Variants in MED1 observed in about 807,000 individuals in gnomAD.
The protein encoded by MED1 is mediator of RNA polymerase II transcription subunit 1.
A neutral mutation model predicts 121.3 loss-of-function variants in MED1; 17 were observed. The observed-to-expected ratio is 0.14, with a 90% CI of 0.10 to 0.21. MED1 has a LOEUF of 0.21. Among genes scored for constraint, MED1 ranks in the 10% least tolerant of loss-of-function variants. The probability of loss-of-function intolerance (pLI) is 1.00; values close to 1 mark genes in which losing one functional copy is unlikely to be tolerated. For synonymous variants in MED1, 661 were observed against 694.4 expected (o/e 0.95, Z 0.76); for missense variants, 1,558 against 1,919.4 (o/e 0.81, Z 3.52).
rs1052798706 is a variant in MED1, at chr17:39,410,390, T to G, written c.1831A>C (p.Thr611Pro). The change falls in exon 17 of 17, where the codon ACA becomes CCA. Residue 611 changes from threonine (T) to proline (P), a missense_variant. Physicochemically the swap from Thr to Pro is conservative, Grantham distance 38 (BLOSUM62 -1). This residue lies in a region of MED1 where 793 missense variants were observed against 898.2 expected (regional missense o/e 0.88). Transcript: ENST00000300651. ...NPILTSLLQI[T>P]GNGGSTIGSS... is the part of the protein sequence containing the mutation. ...CCAATGGTAGACCCCCCGTTCCCTG[T>G]GATTTGCAACAAACTGGTAAGAATT... 1.2e-6 allele frequency: 2 copies of G among 1,614,062 alleles called. No homozygotes were observed. The highest frequency in any genetic ancestry group is 1.1e-5 in the South Asian group (1 of 91,070).
rs759616121 is a variant in MED1, at chr17:39,424,744, G to A, written c.740-6C>T. The A allele has an allele frequency of 1.5e-5, 23 of 1,522,624 alleles. No homozygotes were observed. In the Middle Eastern group the frequency reaches 6.8e-4, roughly 45 times the overall value. The allele number at this position is 1,522,624 out of a possible 1,614,324, so 94.3% of individuals were successfully genotyped here. On this transcript the variant is annotated splice_region_variant and splice_polypyrimidine_tract_variant and intron_variant, in intron 10 of 16. Transcript: ENST00000300651. ...CATGCCCAAAGATCGAGAAACTGGG[G>A]ATAGGAAAGAAAAAGGGTATTCCTC...
chr17:39,426,462 C>T (rs750047227), intron 10 of MED1, among the ~76,000 whole-genome samples: 15 of 149,438 alleles, frequency 1.0e-4, no homozygotes, highest in East Asian at 5.8e-4. Flanking sequence ...AATAAATAAA[C>T]AAACAAACAA....
intron 13 of MED1, among the ~76,000 whole-genome samples, chr17:39,422,964 C>T (rs181333577): frequency 7.1e-6 from 1 of 141,662 alleles, no homozygotes; most frequent in African/African-American, 2.6e-5. Flanking sequence ...CTCCCAGATT[C>T]AAGCCATTCT....
At chr17:39,429,044 G>A (rs2048540691) in intron 9 of MED1, among the ~76,000 whole-genome samples, 1 of 152,018 alleles carries the variant, frequency 6.6e-6, no homozygotes, top group African/African-American at 2.4e-5. Flanking sequence ...AAAAGGCCAG[G>A]TGAACTGGCT....
chr17:39,440,732 T>C lies in MED1; in HGVS notation c.212-55A>G, dbSNP rs1597872710. 3 of 1,461,914 alleles carry C rather than the reference T, an allele frequency of 2.1e-6. No individual in the cohort carries two copies. The highest frequency in any genetic ancestry group is 4.5e-5 in the East Asian group (2 of 44,190). The allele number at this position is 1,461,914 out of a possible 1,614,324, so 90.6% of individuals were successfully genotyped here. ...AGAATGCTCCAAATGACTTAAATGA[T>C]ATTCTTTTAAGACAGAAAGATTCAT... On this transcript the variant is annotated intron_variant, in intron 3 of 16. Transcript: ENST00000300651. The surrounding 1 kb of genome is among the most constrained non-coding windows in gnomAD (Gnocchi z 4.1).
At chr17:39,429,235 C>G (rs1200338396) in intron 9 of MED1, among the ~76,000 whole-genome samples, 1 of 152,024 alleles carries the variant, frequency 6.6e-6, no homozygotes, top group Non-Finnish European at 1.5e-5. Flanking sequence ...GACTGAAGTC[C>G]TAGCTACTCA....
chr17:39,419,611 A>T lies in MED1; in HGVS notation c.1297+106T>A. ...TTTATGCCAAATATGAAAAAAAAAA[A>T]ACTTTTTTTAAGTTCTACAGGTGAT... On this transcript the variant is annotated intron_variant, in intron 14 of 16. Transcript: ENST00000300651. 4 of 1,169,774 alleles carry T rather than the reference A, an allele frequency of 3.4e-6. No homozygotes were observed. In the South Asian group the frequency reaches 6.0e-5, roughly 17 times the overall value. 72.5% of individuals were successfully genotyped at this position (1,169,774 alleles called of 1,614,324 possible).
intron 6 of MED1, among the ~76,000 whole-genome samples, chr17:39,437,794 C>T (rs912789559): frequency 1.3e-5 from 2 of 151,726 alleles, no homozygotes; most frequent in Non-Finnish European, 1.5e-5. Flanking sequence ...ATTAGCAGGG[C>T]GTGGTAGCAC....
intron 8 of MED1, 94 bp from the exon 9 acceptor site, chr17:39,431,282 T>C (rs1321773956): frequency 6.6e-5 from 2 of 30,480 alleles, no homozygotes; most frequent in Non-Finnish European, 1.4e-4. Flanking sequence ...AAGTCTTGTC[T>C]TTTTTTTTTT....
intron 2 of MED1, among the ~76,000 whole-genome samples, chr17:39,444,315 T>G (rs1376951644): frequency 6.6e-6 from 1 of 151,696 alleles, no homozygotes; most frequent in Non-Finnish European, 1.5e-5. Context: ...GAGACCATCC[T>G]GGCCAAAATG....
chr17:39,407,581 G>C lies in MED1; in HGVS notation c.4640C>G (p.Thr1547Arg), dbSNP rs1378872628. Reference protein sequence around the residue: ...PISSDQSLSMTSNTILSADRP... With the variant: ...PISSDQSLSMRSNTILSADRP... Reference sequence around the variant, plus strand: ...GTCTGCAGATAAGATTGTGTTACTTGTCATAGACAAGGACTGGTCTGAAGA... The same window carrying C: ...GTCTGCAGATAAGATTGTGTTACTTCTCATAGACAAGGACTGGTCTGAAGA... The change falls in exon 17 of 17, where the codon ACA (threonine) becomes AGA (arginine). Residue 1547 changes from threonine (T) to arginine (R), a missense_variant. This residue lies in a region of MED1 where 264 missense variants were observed against 326.1 expected (regional missense o/e 0.81). Coordinates refer to ENST00000300651, the MANE Select transcript of MED1 (RefSeq NM_004774.4). 1.9e-6 allele frequency: 3 copies of C among 1,614,080 alleles called. No individual in the cohort carries two copies. The highest frequency in any genetic ancestry group is 2.5e-6 in the Non-Finnish European group (3 of 1,180,012).
In MED1 at chr17:39,407,938, G is replaced by A. The variant is rs139806618; in HGVS notation, c.4283C>T (p.Ser1428Phe). 8 of 1,613,940 alleles carry A rather than the reference G, an allele frequency of 5.0e-6. No homozygotes were observed. The highest frequency in any genetic ancestry group is 1.3e-5 in the African/African-American group (1 of 74,900). The change falls in exon 17 of 17, where the codon TCT (serine) becomes TTT (phenylalanine). Residue 1428 changes from serine (S) to phenylalanine (F), a missense_variant. Physicochemically the swap from Ser to Phe is radical, Grantham distance 155. Around this residue, in one of 5 missense-constraint regions of MED1, gnomAD observed 264 missense variants for 326.1 expected, o/e 0.81. Transcript: ENST00000300651. ...GEGLRPQMAS[S>F]KNYGSPLISG... ...GATGAGTGGAGAGCCATAGTTTTTA[G>A]AAGAAGCCATTTGAGGCCTAAGCCC...
At chr17:39,417,214 G>A (rs556777553) in intron 14 of MED1, among the ~76,000 whole-genome samples, 133 of 152,076 alleles carry the variant, frequency 8.7e-4, no homozygotes, top group Non-Finnish European at 1.6e-3. Context: ...CTTGTAATCC[G>A]AGCTACTTGG....
chr17:39,409,916 G>A lies in MED1; in HGVS notation c.2305C>T (p.Leu769=). The part of the protein sequence containing the change: ...PQPSIQRMVR[L]SSSDSIGPDV... ...GGGCCAATGCTGTCTGAACTGGATA[G>A]TCGGACCATCCTTTGAATACTGGGT... Residue 769 remains leucine (L), a synonymous_variant, in exon 17 of 17, where the codon CTA becomes TTA. Transcript: ENST00000300651. 2 of 1,614,176 alleles carry A rather than the reference G, an allele frequency of 1.2e-6. No individual in the cohort carries two copies. Among genetic ancestry groups the A allele is most frequent in the Non-Finnish European group, 1.7e-6 (2 of 1,180,026 alleles).
intron 16 of MED1, among the ~76,000 whole-genome samples, chr17:39,413,931 A>AAG (rs1217426713): frequency 1.7e-4 from 26 of 149,782 alleles, no homozygotes; most frequent in Non-Finnish European, 7.4e-5. Context: ...AAAAAAAAAA[A>AAG]AAAAAACAAA....
At chr17:39,418,234 TAAC>T (rs774916556) in intron 14 of MED1, among the ~76,000 whole-genome samples, 1 of 151,758 alleles carries the variant, frequency 6.6e-6, no homozygotes, top group Non-Finnish European at 1.5e-5. Context: ...AGCACTCTCC[TAAC>T]AACCTAAAAT....
chr17:39,440,405 T>G lies in MED1; in HGVS notation c.380A>C (p.His127Pro). 6.4e-7 allele frequency: 1 copy of G among 1,573,186 alleles called. No individual in the cohort carries two copies. The highest frequency in any genetic ancestry group is 8.6e-7 in the Non-Finnish European group (1 of 1,167,318). Residue 127 changes from histidine to proline, a missense_variant, in exon 5 of 17, where the codon CAC (histidine) becomes CCC (proline). By Grantham distance (77) the His-to-Pro change is moderately conservative. Coordinates refer to ENST00000300651, the MANE Select transcript of MED1 (RefSeq NM_004774.4). The surrounding 1 kb of genome is among the most constrained non-coding windows in gnomAD (Gnocchi z 4.1). Reference sequence around the variant, plus strand: ...ACATACCACAGGATTCTCCCCATGGTGAGCCACTTTTACATCACAAAGCTG... The same window carrying G: ...ACATACCACAGGATTCTCCCCATGGGGAGCCACTTTTACATCACAAAGCTG... ...AGQLCDVKVA[H>P]HGENPVSCPE...
At chr17:39,422,880 T>TTC (rs1415595427) in intron 13 of MED1, among the ~76,000 whole-genome samples, 4 of 147,402 alleles carry the variant, frequency 2.7e-5, no homozygotes, top group African/African-American at 7.5e-5. Flanking sequence ...TTTTTTTTTT[T>TTC]TTTGAGACAG....
Position 39,409,868 on chromosome 17 carries a change from C to G in MED1, c.2353G>C (p.Asp785His). 2 of 1,614,108 alleles carry G rather than the reference C, an allele frequency of 1.2e-6. No homozygotes were observed. The highest frequency in any genetic ancestry group is 1.7e-6 in the Non-Finnish European group (2 of 1,180,028). ...AGTTTAGAAGCTTCTTCTGCAATGTCTGAAAGGATGTCAGTTACATCTGGG... is the reference window on the plus strand; with the variant it reads ...AGTTTAGAAGCTTCTTCTGCAATGTGTGAAAGGATGTCAGTTACATCTGGG... The part of the protein sequence containing the change: ...IGPDVTDILS[D>H]IAEEASKLPS... The change falls in exon 17 of 17, where the codon GAC (aspartate) becomes CAC (histidine). Residue 785 changes from aspartate to histidine, a missense_variant. Physicochemically the swap from Asp to His is moderately conservative, Grantham distance 81. Transcript: ENST00000300651.
Sources: gnomAD v4.1 joint callset for allele counts (sites outside exome capture counted in the v4.1 genomes callset) on GRCh38, gnomAD v4.1.1 for gene constraint, gnomAD v4.1.1 regional missense constraint, Gnocchi (gnomAD v3.1) non-coding constraint, MANE v1.5 for transcripts, NCBI Gene and HGNC (gene_info 2026-07-23, HGNC 2026-07-21) for gene names.